The following PDE8B variants were observed in gnomAD, a reference collection of about 807,000 sequenced individuals.
PDE8B encodes the protein high affinity cAMP-specific and IBMX-insensitive 3',5'-cyclic phosphodiesterase 8B.
In PDE8B, 26 loss-of-function variants were observed where a neutral mutation model predicts 101.3. The observed-to-expected ratio is 0.26, with a 90% CI of 0.19 to 0.36. The LOEUF (loss-of-function observed/expected upper bound fraction) is 0.36. Among genes scored for constraint, PDE8B ranks in the 10% least tolerant of loss-of-function variants. PDE8B has a pLI of 1.00. For synonymous variants in PDE8B, 424 were observed against 429.3 expected (o/e 0.99, Z 0.15); for missense variants, 810 against 1,163.1 (o/e 0.70, Z 4.42).
chr5:77,346,993 G>A (rs369475666), intron 7 of PDE8B, among the ~76,000 whole-genome samples: 21 of 152,280 alleles, frequency 1.4e-4, no homozygotes, highest in Non-Finnish European at 2.6e-4. Flanking sequence ...ATCTTCAGAG[G>A]TCAAGTAGCA....
intron 1 of PDE8B, among the ~76,000 whole-genome samples, chr5:77,231,553 G>A (rs1421402144): frequency 6.6e-6 from 1 of 152,180 alleles, no homozygotes. Context: ...TGGTAACAAT[G>A]TCAAAAGGAA....
intron 7 of PDE8B, among the ~76,000 whole-genome samples, chr5:77,348,302 C>T (rs369527603): frequency 1.2e-4 from 19 of 152,324 alleles, no homozygotes; most frequent in African/African-American, 4.6e-4. Context: ...CGACATTCTT[C>T]ACCGCTTGTC....
chr5:77,123,740 C>T, the PDE8B span, among the ~76,000 whole-genome samples: 517 of 152,228 alleles, frequency 3.4e-3, 4 homozygotes, highest in African/African-American at 0.011. Context: ...GCCTGGGCAA[C>T]GGTGAGACTC....
intron 7 of PDE8B, among the ~76,000 whole-genome samples, chr5:77,348,123 C>T (rs1161352609): frequency 6.6e-6 from 1 of 152,096 alleles, no homozygotes; most frequent in Non-Finnish European, 1.5e-5. Context: ...GCTGTGTCTC[C>T]CAAGGAACAG....
At chr5:77,389,399 C>T (rs192135415) in intron 10 of PDE8B, among the ~76,000 whole-genome samples, 1 of 152,322 alleles carries the variant, frequency 6.6e-6, no homozygotes, top group African/African-American at 2.4e-5. Flanking sequence ...GTGGGCTGCA[C>T]CCACTGCCCA....
the PDE8B span, among the ~76,000 whole-genome samples, chr5:77,193,140 G>A: frequency 1.1e-4 from 16 of 152,166 alleles, no homozygotes; most frequent in African/African-American, 3.4e-4. Flanking sequence ...TTTTCTTGAA[G>A]ATATCTTTAA....
At chr5:77,100,432 G>A in the PDE8B span, 1 of 152,268 alleles carries the variant, frequency 6.6e-6, no homozygotes, top group African/African-American at 2.4e-5. Context: ...TACAGGGAAG[G>A]TGGGGAGGAA....
At position 77,425,624 on chromosome 5, in the gene PDE8B, G is replaced by A. The variant is rs1263218821; in HGVS notation, c.2419-143G>A. The A allele has an allele frequency of 5.0e-6, 4 of 805,146 alleles. No individual in the cohort carries two copies. The Admixed American group carries it at 7.6e-5, about 15-fold the overall frequency. The allele number at this position is 805,146 out of a possible 1,614,324, so 49.9% of individuals were successfully genotyped here. A position where few individuals can be genotyped will look rare whatever the true frequency, so the allele number is the denominator to read the frequency against. ...AGTGTAGCTCAGCTGACTTACGTAA[G>A]TCTGAGGACCTTGCTGAGCCTATTT... On this transcript the variant is annotated intron_variant, in intron 20 of 21. Coordinates refer to ENST00000264917, the MANE Select transcript of PDE8B (RefSeq NM_003719.5).
chr5:77,366,231 G>T (rs10069775), intron 10 of PDE8B, among the ~76,000 whole-genome samples: 10,953 of 151,862 alleles, frequency 0.072, 628 homozygotes, highest in African/African-American at 0.15. Flanking sequence ...GAGAACTTTG[G>T]TTTTTTTTAA....
chr5:77,232,197 G>A (rs1479567), intron 1 of PDE8B, among the ~76,000 whole-genome samples: 79,274 of 152,122 alleles, frequency 0.52, 22,445 homozygotes, highest in East Asian at 0.83. Context: ...TTTAAAAAAC[G>A]TTCCTCAGTA....
At chr5:77,149,176 T>C in the PDE8B span, among the ~76,000 whole-genome samples, 1 of 152,196 alleles carries the variant, frequency 6.6e-6, no homozygotes, top group South Asian at 2.1e-4. Flanking sequence ...CAATTGACCA[T>C]AAATGCAAGC....
chr5:77,278,532 C>T lies in PDE8B; in HGVS notation c.340-33462C>T, dbSNP rs144733118. ...TCGCCCTGGCTGGAGTGCAGTGGCG[C>T]GATCTTGTCTCATTGCAAGCTCTGC... On this transcript the variant is annotated intron_variant, in intron 1 of 21. Coordinates refer to ENST00000264917, the MANE Select transcript of PDE8B (RefSeq NM_003719.5). Among the ~76,000 whole-genome samples the T allele has an allele frequency of 8.2e-3, 1,251 of 152,218 alleles. 14 individuals carry two copies. The highest frequency in any genetic ancestry group is 0.028 in the African/African-American group (1,172 of 41,538).
At chr5:77,331,313 G>T (rs1406813803) in intron 4 of PDE8B, 89 bp from the exon 5 acceptor site, 48 of 1,157,276 alleles carry the variant, frequency 4.1e-5, no homozygotes, top group Non-Finnish European at 5.8e-5. Flanking sequence ...AGCTAACGCT[G>T]TGTGGCCTCA....
chr5:77,392,984 A>C (rs1038165234), intron 10 of PDE8B, among the ~76,000 whole-genome samples: 33 of 152,254 alleles, frequency 2.2e-4, no homozygotes, highest in East Asian at 9.6e-4. Context: ...ACAACAACAA[A>C]AAAAGCCTAT....
chr5:77,346,088 A>G (rs531806910), intron 7 of PDE8B, among the ~76,000 whole-genome samples: 1 of 152,342 alleles, frequency 6.6e-6, no homozygotes, highest in South Asian at 2.1e-4. Flanking sequence ...TATCCAAGGA[A>G]AGCCTTAGTA....
chr5:77,292,295 A>G (rs1427131586), intron 1 of PDE8B, among the ~76,000 whole-genome samples: 1 of 152,134 alleles, frequency 6.6e-6, no homozygotes, highest in Non-Finnish European at 1.5e-5. Context: ...CCTGCCCCCA[A>G]CAGTTTGTGG....
At chr5:77,342,897 G>A (rs1214718255) in intron 6 of PDE8B, among the ~76,000 whole-genome samples, 6 of 152,128 alleles carry the variant, frequency 3.9e-5, no homozygotes, top group Non-Finnish European at 7.4e-5. Context: ...CAGCAAAAAA[G>A]GAGAAAAAAT....
At chr5:77,402,066 A>C (rs1445872343) in intron 11 of PDE8B, among the ~76,000 whole-genome samples, 1 of 152,168 alleles carries the variant, frequency 6.6e-6, no homozygotes, top group Non-Finnish European at 1.5e-5. Context: ...TTAATCTTAA[A>C]TTTTTAAGTT....
upstream of PDE8B, among the ~76,000 whole-genome samples, chr5:77,206,795 CTG>C (rs1358378209): frequency 2.0e-5 from 3 of 152,186 alleles, no homozygotes; most frequent in Non-Finnish European, 4.4e-5. Flanking sequence ...AACCAGGGAA[CTG>C]TTGTATTTCA....
Sources: allele counts gnomAD v4.1 joint callset (sites outside exome capture counted in the v4.1 genomes callset), GRCh38; gene constraint gnomAD v4.1.1; transcripts MANE v1.5; gene names NCBI Gene and HGNC (gene_info 2026-07-23, HGNC 2026-07-21).